GRM7: variants seen among roughly 807,000 people sequenced by gnomAD.
GRM7 encodes the protein glutamate metabotropic receptor 7.
GRM7 carries 35 observed loss-of-function variants against 84.5 expected under a neutral mutation model. The observed-to-expected ratio is 0.41, with a 90% confidence interval of 0.32 to 0.55. The LOEUF (loss-of-function observed/expected upper bound fraction) is 0.55, where lower values mean the gene tolerates loss of function less well. Ranked by LOEUF, GRM7 falls within the 20% of genes least tolerant of loss-of-function variation. GRM7 has a pLI of 0.19. For synonymous variants in GRM7, 487 were observed against 455.1 expected (o/e 1.07, Z -0.89); for missense variants, 1,003 against 1,194.6 (o/e 0.84, Z 2.36).
At chr3:6,903,442 T>C (rs937079038) in intron 1 of GRM7, among the ~76,000 whole-genome samples, 1 of 152,136 alleles carries the variant, frequency 6.6e-6, no homozygotes, top group African/African-American at 2.4e-5. Context: ...ATAATTATAG[T>C]TTTAAAATAC....
At chr3:6,995,013 G>A (rs189816381) in intron 1 of GRM7, among the ~76,000 whole-genome samples, 1 of 152,154 alleles carries the variant, frequency 6.6e-6, no homozygotes, top group African/African-American at 2.4e-5. Context: ...CTAATAAAAA[G>A]TAAGTAGAAG....
intron 8 of GRM7, among the ~76,000 whole-genome samples, chr3:7,601,214 T>C (rs548858763): frequency 6.6e-6 from 1 of 152,180 alleles, no homozygotes; most frequent in Admixed American, 6.6e-5. Flanking sequence ...TTAAAGCATT[T>C]TGATTACTGT....
rs78240102 is a variant in GRM7 at position 7,516,618 on chromosome 3, T to C, written c.1515+54896T>C. Among the ~76,000 whole-genome samples the C allele has an allele frequency of 2.2e-3, 331 of 151,746 alleles. 2 individuals carry two copies. Among genetic ancestry groups the C allele is most frequent in the African/African-American group, 7.3e-3 (304 of 41,400 alleles). ...TTAAGTGCAGGGGAAGCCAGATCAC[T>C]GAAGGTCCTTGGTGAGCATTCAGCG... is the stretch of plus-strand genomic sequence containing the variant. On this transcript the variant is annotated intron_variant, in intron 7 of 9. Coordinates refer to ENST00000357716, the MANE Select transcript of GRM7 (RefSeq NM_000844.4).
chr3:7,678,493 T>C (rs1331852455), intron 8 of GRM7, among the ~76,000 whole-genome samples: 2 of 152,192 alleles, frequency 1.3e-5, no homozygotes, highest in African/African-American at 2.4e-5. Flanking sequence ...CCTGTGACCA[T>C]GTAAAGCCTT....
At chr3:7,236,676 G>A (rs1697360095) in intron 2 of GRM7, among the ~76,000 whole-genome samples, 1 of 152,084 alleles carries the variant, frequency 6.6e-6, no homozygotes, top group South Asian at 2.1e-4. Flanking sequence ...AGTGATCCAG[G>A]GCCAGGTTAG....
At chr3:7,439,216 C>T (rs1329982726) in intron 5 of GRM7, among the ~76,000 whole-genome samples, 1 of 152,012 alleles carries the variant, frequency 6.6e-6, no homozygotes, top group African/African-American at 2.4e-5. Flanking sequence ...CACTTTTTTT[C>T]CAGACTACCT....
intron 7 of GRM7, among the ~76,000 whole-genome samples, chr3:7,498,841 G>A (rs1699789949): frequency 6.6e-6 from 1 of 152,184 alleles, no homozygotes; most frequent in South Asian, 2.1e-4. Flanking sequence ...TAAAGCGGAT[G>A]AGGCCAGAGC....
intron 4 of GRM7, among the ~76,000 whole-genome samples, chr3:7,316,736 A>G (rs75778052): frequency 0.036 from 5,505 of 151,926 alleles, 309 homozygotes; most frequent in African/African-American, 0.12. Context: ...CCAAGTATCT[A>G]TCCAAGTATC....
At chr3:7,210,566 A>C (rs1381502225) in intron 2 of GRM7, among the ~76,000 whole-genome samples, 2 of 152,202 alleles carry the variant, frequency 1.3e-5, no homozygotes, top group Non-Finnish European at 2.9e-5. Flanking sequence ...ATGGAATTTT[A>C]ATGGAAATTT....
chr3:7,060,975 A>G (rs1022651864), intron 1 of GRM7, among the ~76,000 whole-genome samples: 3 of 151,824 alleles, frequency 2.0e-5, no homozygotes, highest in African/African-American at 7.2e-5. Flanking sequence ...CGTTGAATCC[A>G]TAAGCCTTTT....
At chr3:7,636,762 C>A (rs984370076) in intron 8 of GRM7, among the ~76,000 whole-genome samples, 1 of 152,132 alleles carries the variant, frequency 6.6e-6, no homozygotes, top group Non-Finnish European at 1.5e-5. Flanking sequence ...AAAAGCTCAG[C>A]TCATGCCCTA....
chr3:7,469,529 A>G (rs1214235609), intron 7 of GRM7, among the ~76,000 whole-genome samples: 1 of 152,234 alleles, frequency 6.6e-6, no homozygotes, highest in African/African-American at 2.4e-5. Context: ...TGCTAAAGTT[A>G]AAGTTAACTA....
At chr3:7,225,276 A>G (rs980074948) in intron 2 of GRM7, among the ~76,000 whole-genome samples, 3 of 151,244 alleles carry the variant, frequency 2.0e-5, no homozygotes, top group Non-Finnish European at 2.9e-5. Context: ...ACAATATTTT[A>G]GCAATATGTG....
At chr3:6,871,479 T>C (rs1695118715) in intron 1 of GRM7, among the ~76,000 whole-genome samples, 1 of 152,032 alleles carries the variant, frequency 6.6e-6, no homozygotes, top group Non-Finnish European at 1.5e-5. Context: ...GCATACTTAC[T>C]TTCAACAATT....
chr3:7,207,619 A>G (rs1696282950), intron 2 of GRM7, among the ~76,000 whole-genome samples: 1 of 152,204 alleles, frequency 6.6e-6, no homozygotes, highest in Non-Finnish European at 1.5e-5. Context: ...GGCTAGAAGC[A>G]AATTCCTAAT....
chr3:7,578,396 T>A, intron 7 of GRM7, 26 bp from the exon 8 acceptor site: 1 of 1,478,116 alleles, frequency 6.8e-7, no homozygotes, highest in Non-Finnish European at 9.3e-7. Flanking sequence ...TCTGCCTGAT[T>A]CACCTTCTTA....
At chr3:6,958,304 T>C (rs1171753631) in intron 1 of GRM7, among the ~76,000 whole-genome samples, 1 of 152,040 alleles carries the variant, frequency 6.6e-6, no homozygotes, top group Non-Finnish European at 1.5e-5. Context: ...ACATCTGTGC[T>C]ATTTTGTGTT....
intron 4 of GRM7, among the ~76,000 whole-genome samples, chr3:7,394,758 G>C (rs1695139625): frequency 6.6e-6 from 1 of 152,052 alleles, no homozygotes; most frequent in African/African-American, 2.4e-5. Flanking sequence ...TATAAGGGCA[G>C]CAGATGTGGT....
rs397988598 is a variant in GRM7 at position 7,240,120 on chromosome 3, G to GTTTTTTTTTTTTTTT, written c.737-58554_737-58540dup. Among the ~76,000 whole-genome samples, 14 of 52,722 alleles carry GTTTTTTTTTTTTTTT rather than the reference G, an allele frequency of 2.7e-4. 3 individuals carry two copies. Among genetic ancestry groups the GTTTTTTTTTTTTTTT allele is most frequent in the African/African-American group, 8.4e-4 (12 of 14,270 alleles). 34.6% of individuals were successfully genotyped at this position (52,722 alleles called of 152,430 possible). A position where few individuals can be genotyped will look rare whatever the true frequency, so the allele number is the denominator to read the frequency against. ...TACCAGTAATCTTTTAGCATGTGAG[G>GTTTTTTTTTTTTTTT]TTTTTTTTTTTTTTTTTTTTTTTTC... On this transcript the variant is annotated intron_variant, in intron 2 of 9. Coordinates refer to ENST00000357716, the MANE Select transcript of GRM7 (RefSeq NM_000844.4).
Sources: allele counts gnomAD v4.1 joint callset (sites outside exome capture counted in the v4.1 genomes callset), GRCh38; gene constraint gnomAD v4.1.1; transcripts MANE v1.5; gene names NCBI Gene and HGNC (gene_info 2026-07-23, HGNC 2026-07-21).